PPP1R3B: variants seen among roughly 807,000 people sequenced by gnomAD.
The protein encoded by PPP1R3B is PP1 subunit R4.
PPP1R3B carries 8 observed loss-of-function variants against 14.6 expected under a neutral mutation model. The ratio of observed to expected loss-of-function variants is 0.55; its 90% CI spans 0.32 to 0.99. PPP1R3B has a LOEUF of 0.99. Among genes scored for constraint, PPP1R3B ranks in the 50% least tolerant of loss-of-function variants. PPP1R3B has a pLI of 0.04. For missense variants in PPP1R3B, 452 were observed against 360.1 expected, an observed-to-expected ratio of 1.26 and a Z score of -2.07; for synonymous variants, 169 against 142.0, an observed-to-expected ratio of 1.19 and a Z score of -1.35.
intron 1 of PPP1R3B, among the ~76,000 whole-genome samples, chr8:9,142,624 G>A (rs547448675): frequency 7.9e-5 from 12 of 151,956 alleles, no homozygotes; most frequent in Middle Eastern, 6.8e-3. Context: ...TATTCCTCCC[G>A]TCTACCTGAA....
rs1206137256 is a variant in PPP1R3B, at chr8:9,140,576, C to T, written c.*218G>A. 1.7e-6 allele frequency: 1 copy of T among 601,880 alleles called. No individual in the cohort carries two copies. 37.3% of individuals were successfully genotyped at this position (601,880 alleles called of 1,614,324 possible). On this transcript the variant is annotated 3_prime_UTR_variant, in exon 2 of 2. Coordinates refer to ENST00000310455, the MANE Select transcript of PPP1R3B (RefSeq NM_024607.4). ...TGGCTGCCACAGTGCGAAAGCGCGC[C>T]AGCCACCACTGCTCCTTTGAGTGAG...
chr8:9,146,431 G>A (rs1367839596), intron 1 of PPP1R3B, among the ~76,000 whole-genome samples: 3 of 152,112 alleles, frequency 2.0e-5, no homozygotes, highest in Non-Finnish European at 4.4e-5. Context: ...AAAGAGCTGG[G>A]ACCACTGGTT....
At position 9,147,103 on chromosome 8, in the gene PPP1R3B, C is replaced by A. The variant is rs369938073; in HGVS notation, c.-18+3460G>T. On this transcript the variant is annotated intron_variant, in intron 1 of 1. Transcript: ENST00000310455. ...GTTCAAGCGATTCTCCTGCCTCAGC[C>A]TCCCAAGTAGCTGGGACTACTCGTG... Among the ~76,000 whole-genome samples the A allele has an allele frequency of 7.3e-4, 111 of 152,210 alleles. 1 individual carries two copies. In the South Asian group the frequency reaches 0.023, roughly 32 times the overall value.
At chr8:9,148,855 T>C (rs1418081008) in intron 1 of PPP1R3B, among the ~76,000 whole-genome samples, 3 of 152,182 alleles carry the variant, frequency 2.0e-5, no homozygotes, top group African/African-American at 4.8e-5. Flanking sequence ...CATTATCCCC[T>C]CCATTCTCTT....
chr8:9,138,089 G>T lies in PPP1R3B; in HGVS notation c.*2705C>A, dbSNP rs184156448. On this transcript the variant is annotated 3_prime_UTR_variant, in exon 2 of 2. Coordinates refer to ENST00000310455, the MANE Select transcript of PPP1R3B (RefSeq NM_024607.4). The stretch of plus-strand genomic sequence containing the variant: ...TTAGTCGGGTAACATGTCAATGACA[G>T]TGCACTCTGTGCCTCTCCTGCATTG... 1 of 152,304 alleles carries T rather than the reference G, an allele frequency of 6.6e-6. No homozygotes were observed. The highest frequency in any genetic ancestry group is 1.9e-4 in the East Asian group (1 of 5,180). 9.4% of individuals were successfully genotyped at this position (152,304 alleles called of 1,614,324 possible).
chr8:9,142,442 G>A (rs1390639682), intron 1 of PPP1R3B: 2 of 152,084 alleles, frequency 1.3e-5, no homozygotes, highest in Non-Finnish European at 2.9e-5. Context: ...GTGTACAACA[G>A]GTTTCCATAT....
rs1801075837 is a variant in PPP1R3B, at chr8:9,141,256, G to A, written c.396C>T (p.His132=). Residue 132 remains histidine (H), a synonymous_variant, in exon 2 of 2, where the codon CAC becomes CAT. Coordinates refer to ENST00000310455, the MANE Select transcript of PPP1R3B (RefSeq NM_024607.4). ...TGAGCACACAGTTCTCAAGGCAGACGTGGTCGGCCTGAAGTCGATTTCTAA... is the reference window on the plus strand; with the variant it reads ...TGAGCACACAGTTCTCAAGGCAGACATGGTCGGCCTGAAGTCGATTTCTAA... ...LDFRNRLQAD[H]VCLENCVLKD... 3 of 1,614,200 alleles carry A rather than the reference G, an allele frequency of 1.9e-6. No individual in the cohort carries two copies. The highest frequency in any genetic ancestry group is 8.5e-7 in the Non-Finnish European group (1 of 1,180,034).
chr8:9,140,608 G>C lies in PPP1R3B; in HGVS notation c.*186C>G. 1.5e-6 allele frequency: 1 copy of C among 656,240 alleles called. No individual in the cohort carries two copies. Among genetic ancestry groups the C allele is most frequent in the Admixed American group, 2.9e-5 (1 of 34,056 alleles). The allele number at this position is 656,240 out of a possible 1,614,324, so 40.7% of individuals were successfully genotyped here. A position where few individuals can be genotyped will look rare whatever the true frequency, so the allele number is the denominator to read the frequency against. On this transcript the variant is annotated 3_prime_UTR_variant, in exon 2 of 2. Transcript: ENST00000310455. ...CACTGCTCCTTTGAGTGAGACACTG[G>C]TTGTGTAATCTGAACCTGGCTGGAT...
rs753646334 is a variant in PPP1R3B at position 9,140,975 on chromosome 8, C to G, written c.677G>C (p.Arg226Thr). 12 of 1,614,024 alleles carry G rather than the reference C, an allele frequency of 7.4e-6. No homozygotes were observed. The highest frequency in any genetic ancestry group is 1.0e-5 in the Non-Finnish European group (12 of 1,179,970). Residue 226 changes from arginine (R) to threonine (T), a missense_variant, in exon 2 of 2, where the codon AGA becomes ACA. Coordinates refer to ENST00000310455, the MANE Select transcript of PPP1R3B (RefSeq NM_024607.4). ...CCGGATGATCCTATAGTTCTTGCCT[C>G]TGTTGCTGTCCCAGTACGTCTGTCC... Reference protein sequence around the residue: ...CNGQTYWDSNRGKNYRIIRAE... With the variant: ...CNGQTYWDSNTGKNYRIIRAE...
Position 9,140,571 on chromosome 8 carries a change from C to T in PPP1R3B, c.*223G>A, listed in dbSNP as rs536266115. On this transcript the variant is annotated 3_prime_UTR_variant, in exon 2 of 2. Transcript: ENST00000310455. ...TCTCGTGGCTGCCACAGTGCGAAAGCGCGCCAGCCACCACTGCTCCTTTGA... is the reference window on the plus strand; with the variant it reads ...TCTCGTGGCTGCCACAGTGCGAAAGTGCGCCAGCCACCACTGCTCCTTTGA... 4 of 586,030 alleles carry T rather than the reference C, an allele frequency of 6.8e-6. No homozygotes were observed. Among genetic ancestry groups the T allele is most frequent in the Non-Finnish European group, 1.2e-5 (4 of 335,332 alleles). The allele number at this position is 586,030 out of a possible 1,614,324, so 36.3% of individuals were successfully genotyped here. A position where few individuals can be genotyped will look rare whatever the true frequency, so the allele number is the denominator to read the frequency against.
chr8:9,148,498 G>A (rs1363822832), intron 1 of PPP1R3B, among the ~76,000 whole-genome samples: 1 of 152,188 alleles, frequency 6.6e-6, no homozygotes, highest in African/African-American at 2.4e-5. Flanking sequence ...CTGCTCCCAG[G>A]TAGGTATGAA....
Position 9,141,536 on chromosome 8 carries a change from T to A in PPP1R3B, c.116A>T (p.Gln39Leu). ...KPSKPLRPCI[Q>L]LSSKNEASGM... ...ACTGGCTTCATTCTTGCTGCTCAGCTGAATACAAGGCCTCAGTGGTTTGCT... is the reference window on the plus strand; with the variant it reads ...ACTGGCTTCATTCTTGCTGCTCAGCAGAATACAAGGCCTCAGTGGTTTGCT... Residue 39 changes from glutamine to leucine, a missense_variant, in exon 2 of 2, where the codon CAG (glutamine) becomes CTG (leucine). By Grantham distance (113) the Gln-to-Leu change is moderately radical. Coordinates refer to ENST00000310455, the MANE Select transcript of PPP1R3B (RefSeq NM_024607.4). 1.2e-6 allele frequency: 2 copies of A among 1,614,172 alleles called. No homozygotes were observed. Among genetic ancestry groups the A allele is most frequent in the Non-Finnish European group, 1.7e-6 (2 of 1,180,036 alleles).
At chr8:9,147,915 G>A (rs1801288970) in intron 1 of PPP1R3B, among the ~76,000 whole-genome samples, 1 of 152,124 alleles carries the variant, frequency 6.6e-6, no homozygotes, top group Non-Finnish European at 1.5e-5. Flanking sequence ...CATTGCACAA[G>A]CAACCCCAGT....
At chr8:9,145,706 ATACCTAGGT>A (rs943114650) in intron 1 of PPP1R3B, among the ~76,000 whole-genome samples, 2 of 152,196 alleles carry the variant, frequency 1.3e-5, no homozygotes, top group African/African-American at 4.8e-5. Flanking sequence ...TAAAATCAGA[ATACCTAGGT>A]GACAAGATTT....
At chr8:9,149,411 G>A (rs1410206981) in intron 1 of PPP1R3B, among the ~76,000 whole-genome samples, 2 of 151,918 alleles carry the variant, frequency 1.3e-5, no homozygotes, top group Non-Finnish European at 2.9e-5. Context: ...GCCGAGGCAG[G>A]AGAATGGCGT....
rs1800942267 is a variant in PPP1R3B, at chr8:9,137,888, GGA to G, written c.*2904_*2905del. The G allele has an allele frequency of 6.6e-6, 1 of 152,184 alleles. No individual in the cohort carries two copies. Among genetic ancestry groups the G allele is most frequent in the Non-Finnish European group, 1.5e-5 (1 of 68,068 alleles). The allele number at this position is 152,184 out of a possible 1,614,324, so 9.4% of individuals were successfully genotyped here. The stretch of plus-strand genomic sequence containing the variant: ...CAGCAAAAAAAGCCAGGGTGAGCTG[GGA>G]GAAAGACGGGTAGTGGGGAGGGTTT... On this transcript the variant is annotated 3_prime_UTR_variant, in exon 2 of 2. Transcript: ENST00000310455.
intron 1 of PPP1R3B, among the ~76,000 whole-genome samples, chr8:9,142,070 CCA>C: frequency 6.6e-6 from 1 of 152,286 alleles, no homozygotes; most frequent in East Asian, 1.9e-4. Context: ...AGGGTGTCTT[CCA>C]CAGATAGCTG....
chr8:9,145,984 C>G (rs913331955), intron 1 of PPP1R3B, among the ~76,000 whole-genome samples: 1 of 151,868 alleles, frequency 6.6e-6, no homozygotes, highest in African/African-American at 2.4e-5. Context: ...ATCCTCCCGC[C>G]TCAGCCTCCA....
Position 9,140,605 on chromosome 8 carries a change from C to G in PPP1R3B, c.*189G>C. The G allele has an allele frequency of 1.5e-6, 1 of 648,562 alleles. No homozygotes were observed. Among genetic ancestry groups the G allele is most frequent in the Non-Finnish European group, 2.6e-6 (1 of 382,728 alleles). The allele number at this position is 648,562 out of a possible 1,614,324, so 40.2% of individuals were successfully genotyped here. A position where few individuals can be genotyped will look rare whatever the true frequency, so the allele number is the denominator to read the frequency against. ...CACCACTGCTCCTTTGAGTGAGACA[C>G]TGGTTGTGTAATCTGAACCTGGCTG... On this transcript the variant is annotated 3_prime_UTR_variant, in exon 2 of 2. Transcript: ENST00000310455.
Sources: allele counts gnomAD v4.1 joint callset (sites outside exome capture counted in the v4.1 genomes callset), GRCh38; gene constraint gnomAD v4.1.1; transcripts MANE v1.5; gene names NCBI Gene and HGNC (gene_info 2026-07-23, HGNC 2026-07-21).